ADARB2: variants seen among roughly 807,000 people sequenced by gnomAD.
The protein encoded by ADARB2 is inactive double-stranded RNA-specific editase B2.
A neutral mutation model predicts 62.2 loss-of-function variants in ADARB2; 25 were observed. The ratio of observed to expected loss-of-function variants is 0.40; its 90% CI spans 0.29 to 0.56. The LOEUF is 0.56. ADARB2 is among the 20% of genes least tolerant of loss of function. The pLI, the probability that ADARB2 is intolerant of heterozygous loss-of-function variation, is 0.43. For synonymous variants in ADARB2, 572 were observed against 500.8 expected (o/e 1.14, Z -1.90); for missense variants, 1,071 against 1,077.4 (o/e 0.99, Z 0.08).
intron 1 of ADARB2, among the ~76,000 whole-genome samples, chr10:1,501,192 G>T (rs1484785910): frequency 6.6e-6 from 1 of 152,188 alleles, no homozygotes; most frequent in South Asian, 2.1e-4. Context: ...CCTTTTTAAA[G>T]AAGTGATGGG....
At chr10:1,359,871 G>C (rs892437802) in intron 3 of ADARB2, among the ~76,000 whole-genome samples, 2 of 152,244 alleles carry the variant, frequency 1.3e-5, no homozygotes, top group Admixed American at 1.3e-4. Context: ...TCTTGCAGTA[G>C]GCTCCTCAGC....
chr10:1,661,009 CCAAA>C (rs1212295676), intron 1 of ADARB2, among the ~76,000 whole-genome samples: 3 of 152,280 alleles, frequency 2.0e-5, no homozygotes, highest in African/African-American at 7.2e-5. Context: ...AACCTCGTCT[CCAAA>C]CAGAGGCATT....
chr10:1,733,160 C>T (rs1332848120), intron 1 of ADARB2, among the ~76,000 whole-genome samples: 1 of 152,204 alleles, frequency 6.6e-6, no homozygotes, highest in Non-Finnish European at 1.5e-5. Flanking sequence ...CCCCTGAAGC[C>T]CCTTCCCCTT....
chr10:1,684,995 G>A (rs183511997), intron 1 of ADARB2, among the ~76,000 whole-genome samples: 6 of 152,094 alleles, frequency 3.9e-5, no homozygotes, highest in African/African-American at 1.2e-4. Flanking sequence ...GATAGTGTGA[G>A]TTCTGAGTGT....
rs78377855 is a variant in ADARB2 at position 1,516,858 on chromosome 10, G to A, written c.101-137698C>T. Among the ~76,000 whole-genome samples, 50 of 152,308 alleles carry A rather than the reference G, an allele frequency of 3.3e-4. No individual in the cohort carries two copies. The East Asian group carries it at 8.9e-3, about 27-fold the overall frequency. ...TTTAAAGGTCTCAGGCAATGACAGC[G>A]CATGGAAGTTGGCTGGGTAGTTTAT... On this transcript the variant is annotated intron_variant, in intron 1 of 9. Transcript: ENST00000381312.
At chr10:1,323,262 A>C (rs543636034) in intron 3 of ADARB2, among the ~76,000 whole-genome samples, 50 of 152,148 alleles carry the variant, frequency 3.3e-4, no homozygotes, top group Admixed American at 2.3e-3. Flanking sequence ...AAAAAAAAAA[A>C]AAAAAACACT....
intron 1 of ADARB2, among the ~76,000 whole-genome samples, chr10:1,558,822 C>T (rs1297854266): frequency 6.6e-6 from 1 of 152,250 alleles, no homozygotes; most frequent in Admixed American, 6.5e-5. Flanking sequence ...CTCTGCGCCC[C>T]TCCATGGGTG....
At chr10:1,552,392 G>C (rs1378677750) in intron 1 of ADARB2, among the ~76,000 whole-genome samples, 1 of 151,952 alleles carries the variant, frequency 6.6e-6, no homozygotes, top group East Asian at 2.0e-4. Flanking sequence ...CTTTTAGAGA[G>C]TGGGTGAAGA....
intron 8 of ADARB2, among the ~76,000 whole-genome samples, chr10:1,189,059 C>T (rs1836803110): frequency 6.6e-6 from 1 of 150,704 alleles, no homozygotes; most frequent in Non-Finnish European, 1.5e-5. Context: ...CACTCTCTTT[C>T]CATTTCCCCG....
chr10:1,258,147 TAACTC>T (rs966715356), intron 4 of ADARB2, among the ~76,000 whole-genome samples: 3 of 152,128 alleles, frequency 2.0e-5, no homozygotes, highest in Non-Finnish European at 4.4e-5. Context: ...CCTCCCTCCC[TAACTC>T]TTTTTCTTTC....
At chr10:1,499,727 C>A (rs1234175841) in intron 1 of ADARB2, among the ~76,000 whole-genome samples, 2 of 152,000 alleles carry the variant, frequency 1.3e-5, no homozygotes, top group African/African-American at 4.8e-5. Context: ...CACTCATATG[C>A]ATCACTCACT....
At chr10:1,454,746 G>A (rs892771368) in intron 1 of ADARB2, among the ~76,000 whole-genome samples, 13 of 152,084 alleles carry the variant, frequency 8.5e-5, no homozygotes, top group Non-Finnish European at 1.0e-4. Context: ...GACGGATGGT[G>A]GTGATTGCTC....
chr10:1,664,924 G>C (rs990381651), intron 1 of ADARB2, among the ~76,000 whole-genome samples: 2 of 152,182 alleles, frequency 1.3e-5, no homozygotes, highest in Non-Finnish European at 2.9e-5. Flanking sequence ...AAGAAATGTT[G>C]AGAAGGGAAA....
At chr10:1,691,505 G>T (rs1473605133) in intron 1 of ADARB2, among the ~76,000 whole-genome samples, 2 of 152,120 alleles carry the variant, frequency 1.3e-5, no homozygotes, top group African/African-American at 2.4e-5. Flanking sequence ...CTGGCTACAG[G>T]CTAGGACACA....
chr10:1,463,032 C>T (rs1367176178), intron 1 of ADARB2, among the ~76,000 whole-genome samples: 1 of 152,042 alleles, frequency 6.6e-6, no homozygotes, highest in Non-Finnish European at 1.5e-5. Flanking sequence ...TGGGACGCAG[C>T]TGGTGGGGCA....
chr10:1,227,143 AG>A (rs1830755361), intron 6 of ADARB2, among the ~76,000 whole-genome samples: 1 of 152,156 alleles, frequency 6.6e-6, no homozygotes. Context: ...GCCGCCTTGC[AG>A]TTTGATCTGG....
At chr10:1,378,828 T>TA (rs1832457073) in intron 2 of ADARB2, among the ~76,000 whole-genome samples, 1 of 152,074 alleles carries the variant, frequency 6.6e-6, no homozygotes, top group African/African-American at 2.4e-5. Flanking sequence ...GAGATAGGAT[T>TA]CTGGGTGAGG....
intron 3 of ADARB2, among the ~76,000 whole-genome samples, chr10:1,337,962 A>T (rs1831989781): frequency 6.6e-6 from 1 of 152,180 alleles, no homozygotes; most frequent in South Asian, 2.1e-4. Flanking sequence ...TTGTGTTGTC[A>T]CCTGGGACTG....
Position 1,375,923 on chromosome 10 carries a change from T to A in ADARB2, c.187+3151A>T, listed in dbSNP as rs1360273774. Among the ~76,000 whole-genome samples, 4 of 141,310 alleles carry A rather than the reference T, an allele frequency of 2.8e-5. No homozygotes were observed. The East Asian group carries it at 8.5e-4, about 30-fold the overall frequency. 92.7% of individuals were successfully genotyped at this position (141,310 alleles called of 152,430 possible). ...GTGCACATACCACACTTGCCACACATGCACACACGTGCACAGACACACACC... is the reference window on the plus strand; with the variant it reads ...GTGCACATACCACACTTGCCACACAAGCACACACGTGCACAGACACACACC... On this transcript the variant is annotated intron_variant, in intron 2 of 9. Transcript: ENST00000381312.
Sources: allele counts gnomAD v4.1 joint callset (sites outside exome capture counted in the v4.1 genomes callset), GRCh38; gene constraint gnomAD v4.1.1; transcripts MANE v1.5; gene names NCBI Gene and HGNC (gene_info 2026-07-23, HGNC 2026-07-21).